The following SLC38A5 variants were observed in gnomAD, a reference collection of about 807,000 sequenced individuals.
SLC38A5 encodes solute carrier family 38 member 5.
In SLC38A5, 9 loss-of-function variants were observed where a neutral mutation model predicts 34.6. The ratio of observed to expected loss-of-function variants is 0.26; its 90% CI spans 0.16 to 0.45. SLC38A5 has a LOEUF of 0.45. Ranked by LOEUF, SLC38A5 falls within the 20% of genes least tolerant of loss-of-function variation. The pLI is 1.00. For synonymous variants in SLC38A5, 157 were observed against 155.6 expected, an observed-to-expected ratio of 1.01 and a Z score of -0.07; for missense variants, 253 against 394.7, an observed-to-expected ratio of 0.64 and a Z score of 3.04.
intron 5 of SLC38A5, 24 bp downstream of exon 5, chrX:48,466,938 C>T: frequency 8.3e-7 from 1 of 1,208,220 alleles, no homozygotes; most frequent in Non-Finnish European, 1.1e-6. Context: ...CACCCCTGGC[C>T]CCGCAGGCCA....
intron 4 of SLC38A5, 100 bp from the exon 5 acceptor site, chrX:48,467,177 G>A (rs1363995992): frequency 1.0e-5 from 7 of 703,186 alleles, no homozygotes; most frequent in Admixed American, 8.7e-5. Context: ...AAGCAAGCGG[G>A]GTGGAGAGAA....
rs2061445476 is a variant in SLC38A5 at position 48,463,044 on chromosome X, A to G, written c.492-64T>C. 3.3e-6 allele frequency: 3 copies of G among 905,605 alleles called. No homozygotes were observed. The South Asian group carries it at 7.1e-5, about 21-fold the overall frequency. 74.6% of individuals were successfully genotyped at this position (905,605 alleles called of 1,213,427 possible). A position where few individuals can be genotyped will look rare whatever the true frequency, so the allele number is the denominator to read the frequency against. On this transcript the variant is annotated intron_variant, in intron 8 of 16. Transcript: ENST00000620913. The stretch of plus-strand genomic sequence containing the variant: ...AAAGGAAACTGTCAGGCAGACACTC[A>G]CAGAAGACAGCTGGACAGGCAGCTT...
At position 48,465,184 on chromosome X, in the gene SLC38A5, C is replaced by T. The variant is rs782022002; in HGVS notation, c.491+831G>A. On this transcript the variant is annotated intron_variant, in intron 8 of 16. Transcript: ENST00000620913. ...GCTGGAGTCCCATCGTGCACATGCC[C>T]CCCACACATACCAAGCCAGCACAGC... is the stretch of plus-strand genomic sequence containing the variant. 3.6e-5 allele frequency among the ~76,000 whole-genome samples: 4 copies of T among 111,828 alleles called. No homozygotes were observed. The South Asian group carries it at 1.5e-3, about 41-fold the overall frequency.
At chrX:48,468,264 G>C in intron 2 of SLC38A5, 1 of 913,353 alleles carries the variant, frequency 1.1e-6, no homozygotes, top group Non-Finnish European at 1.4e-6. Flanking sequence ...AGCCGACCAC[G>C]TGGAGAAGGG....
At chrX:48,467,814 T>A in intron 3 of SLC38A5, 29 bp from the exon 4 acceptor site, 1 of 1,203,427 alleles carries the variant, frequency 8.3e-7, no homozygotes, top group Non-Finnish European at 1.1e-6. Flanking sequence ...TAGGGGCCGA[T>A]AAGAGGGAAA....
At chrX:48,464,755 ACT>A (rs1321327859) in intron 8 of SLC38A5, among the ~76,000 whole-genome samples, 1 of 111,271 alleles carries the variant, frequency 9.0e-6, no homozygotes, top group Non-Finnish European at 1.9e-5. Flanking sequence ...ACAGAGTAAG[ACT>A]CTGTCTCAAA....
Position 48,459,820 on chromosome X carries a change from T to C in SLC38A5, c.1125A>G (p.Arg375=). ...LFPGKAFSWP[R]HVAIALILLV... is the part of the protein sequence containing the mutation. ...GCAGGATCAGAGCTATGGCCACATG[T>C]CGTGGCCAGCTGAAGGCCTTGCCTG... is the stretch of plus-strand genomic sequence containing the variant. Residue 375 remains arginine, a synonymous_variant, in exon 15 of 17, where the codon CGA becomes CGG. Coordinates refer to ENST00000620913, the MANE Select transcript of SLC38A5 (RefSeq NM_033518.4). 1 of 1,211,295 alleles carries C rather than the reference T, an allele frequency of 8.3e-7. No individual in the cohort carries two copies. The highest frequency in any genetic ancestry group is 1.1e-6 in the Non-Finnish European group (1 of 895,172).
chrX:48,462,900 A>C lies in SLC38A5; in HGVS notation c.572T>G (p.Leu191Trp). Residue 191 changes from leucine to tryptophan, a missense_variant and splice_region_variant, in exon 9 of 17, where the codon TTG becomes TGG. Transcript: ENST00000620913. ...IILPLALMKH[L>W]GYLGYTSGLS... ...GGCCAACCCAGGGAGCCTCTTACCC[A>C]AGTGTTTCATGAGGGCGAGGGGCAG... 1 of 1,205,764 alleles carries C rather than the reference A, an allele frequency of 8.3e-7. No individual in the cohort carries two copies. The highest frequency in any genetic ancestry group is 1.1e-6 in the Non-Finnish European group (1 of 892,322).
intron 13 of SLC38A5, 70 bp from the exon 14 acceptor site, chrX:48,460,834 C>G (rs2061428912): frequency 1.9e-6 from 2 of 1,068,489 alleles, no homozygotes; most frequent in East Asian, 6.2e-5. Flanking sequence ...CCCCAGAAAC[C>G]CATACATACA....
intron 5 of SLC38A5, 42 bp from the exon 6 acceptor site, chrX:48,466,914 C>T: frequency 8.3e-7 from 1 of 1,204,016 alleles, no homozygotes; most frequent in Non-Finnish European, 1.1e-6. Context: ...CCAGGCCTCC[C>T]ACCTGCCCCA....
rs782473374 is a variant in SLC38A5 at position 48,459,586 on chromosome X, G to A, written c.1267C>T (p.Arg423Cys). 13 of 1,141,562 alleles carry A rather than the reference G, an allele frequency of 1.1e-5. No individual in the cohort carries two copies. Among genetic ancestry groups the A allele is most frequent in the East Asian group, 6.1e-5 (2 of 32,845 alleles). The allele number at this position is 1,141,562 out of a possible 1,213,427, so 94.1% of individuals were successfully genotyped here. A position where few individuals can be genotyped will look rare whatever the true frequency, so the allele number is the denominator to read the frequency against. Residue 423 changes from arginine (R) to cysteine (C), a missense_variant, in exon 16 of 17, where the codon CGC becomes TGC. Transcript: ENST00000620913. Reference sequence around the variant, plus strand: ...GGCTCCACCTCAGAGGGTACAATGCGGAGGTAGAAGATGCTGGGGAGGATG... The same window carrying A: ...GGCTCCACCTCAGAGGGTACAATGCAGAGGTAGAAGATGCTGGGGAGGATG... ...IFILPSIFYL[R>C]IVPSEVEPFL...
At chrX:48,468,037 GAGAA>G in intron 2 of SLC38A5, 112 bp from the exon 3 acceptor site, 2 of 846,623 alleles carry the variant, frequency 2.4e-6, no homozygotes, top group East Asian at 6.9e-5. Context: ...TGGAAAGACG[GAGAA>G]AGAGACAAGG....
intron 9 of SLC38A5, 114 bp from the exon 10 acceptor site, chrX:48,462,405 G>A (rs781980447): frequency 3.3e-4 from 241 of 723,127 alleles, no homozygotes; most frequent in Middle Eastern, 4.5e-4. Context: ...TCAGGAGTTC[G>A]AGACCAGCCT....
At position 48,466,285 on chromosome X, in the gene SLC38A5, G is replaced by A. The variant is rs369174607; in HGVS notation, c.357C>T (p.Phe119=). ...CCACCACTACCTTCCCCGCAGGCCCGAATGCCCTCTGTCCCAGCTGCTCAT... is the reference window on the plus strand; with the variant it reads ...CCACCACTACCTTCCCCGCAGGCCCAAATGCCCTCTGTCCCAGCTGCTCAT... The part of the protein sequence containing the change: ...RAYEQLGQRA[F]GPAGKVVVAT... The change falls in exon 7 of 17, where the codon TTC becomes TTT. Residue 119 remains phenylalanine (F), a synonymous_variant. Coordinates refer to ENST00000620913, the MANE Select transcript of SLC38A5 (RefSeq NM_033518.4). 118 of 1,201,193 alleles carry A rather than the reference G, an allele frequency of 9.8e-5. No homozygotes were observed. Among genetic ancestry groups the A allele is most frequent in the Non-Finnish European group, 1.2e-4 (105 of 891,394 alleles).
Position 48,467,904 on chromosome X carries a change from C to G in SLC38A5, c.21G>C (p.Lys7Asn). The G allele has an allele frequency of 8.3e-7, 1 of 1,207,078 alleles. No individual in the cohort carries two copies. Among genetic ancestry groups the G allele is most frequent in the Non-Finnish European group, 1.1e-6 (1 of 893,037 alleles). MELQDP[K>N]MNGALPSDAV... is the part of the protein sequence containing the mutation. ...CATCCGAAGGGAGGGCTCCATTCAT[C>G]TTTGGATCCTGCAGTTCCATCCTGT... The change falls in exon 3 of 17, where the codon AAG becomes AAC. Residue 7 changes from lysine to asparagine, a missense_variant. Around this residue, in one of 3 missense-constraint regions of SLC38A5, gnomAD observed 40 missense variants for 36.4 expected, o/e 1.10. Transcript: ENST00000620913.
intron 6 of SLC38A5, 100 bp downstream of exon 6, chrX:48,466,699 G>A: frequency 1.1e-6 from 1 of 936,209 alleles, no homozygotes; most frequent in South Asian, 2.1e-5. Context: ...CTGGGTCTGG[G>A]GTCTGGGGTC....
At chrX:48,461,407 C>T (rs782696805) in intron 12 of SLC38A5, among the ~76,000 whole-genome samples, 1 of 111,708 alleles carries the variant, frequency 9.0e-6, no homozygotes, top group South Asian at 3.7e-4. Flanking sequence ...TCTGTCTGTC[C>T]GTACCTCCCT....
chrX:48,466,913 C>T, intron 5 of SLC38A5, 41 bp from the exon 6 acceptor site: 1 of 1,203,207 alleles, frequency 8.3e-7, no homozygotes, highest in East Asian at 3.0e-5. Flanking sequence ...CCCAGGCCTC[C>T]CACCTGCCCC....
intron 16 of SLC38A5, 187 bp from the exon 17 acceptor site, chrX:48,459,221 G>A: frequency 2.1e-6 from 1 of 476,855 alleles, no homozygotes; most frequent in Non-Finnish European, 3.5e-6. Flanking sequence ...CAGGACCCAT[G>A]ACAGAATACG....
Sources: gnomAD v4.1 joint callset for allele counts (sites outside exome capture counted in the v4.1 genomes callset) on GRCh38, gnomAD v4.1.1 for gene constraint, gnomAD v4.1.1 regional missense constraint, MANE v1.5 for transcripts, NCBI Gene and HGNC (gene_info 2026-07-23, HGNC 2026-07-21) for gene names.